The following PIP4K2B variants were observed in gnomAD, a reference collection of about 807,000 sequenced individuals.
The protein encoded by PIP4K2B is phosphatidylinositol-5-phosphate 4-kinase type 2 beta, also known as phosphatidylinositol 5-phosphate 4-kinase type-2 beta.
Under a neutral mutation model 42.0 loss-of-function variants are expected in PIP4K2B, and 3 were observed. The ratio of observed to expected loss-of-function variants is 0.07; its 90% confidence interval spans 0.03 to 0.18. The LOEUF (loss-of-function observed/expected upper bound fraction) is 0.18, where lower values mean the gene tolerates loss of function less well. Ranked by LOEUF, PIP4K2B falls within the 10% of genes least tolerant of loss-of-function variation. The pLI, the probability that PIP4K2B is intolerant of heterozygous loss-of-function variation, is 1.00. For synonymous variants in PIP4K2B, 204 were observed against 210.1 expected, an observed-to-expected ratio of 0.97 and a Z score of 0.25; for missense variants, 332 against 562.3, an observed-to-expected ratio of 0.59 and a Z score of 4.14.
At chr17:38,779,909 G>C (rs931189398) in intron 4 of PIP4K2B, 9 of 221,560 alleles carry the variant, frequency 4.1e-5, no homozygotes, top group Non-Finnish European at 1.8e-5. Flanking sequence ...ACAGGATGCA[G>C]AGGCAGGCCA....
At chr17:38,772,395 G>A (rs1204397876) in intron 7 of PIP4K2B, among the ~76,000 whole-genome samples, 2 of 152,202 alleles carry the variant, frequency 1.3e-5, no homozygotes, top group Non-Finnish European at 1.5e-5. Flanking sequence ...CCTTTGTGCA[G>A]TATATCCACA....
Position 38,769,359 on chromosome 17 carries a change from C to A in PIP4K2B, c.*332G>T. On this transcript the variant is annotated 3_prime_UTR_variant, in exon 10 of 10. Coordinates refer to ENST00000619039, the MANE Select transcript of PIP4K2B (RefSeq NM_003559.5). ...TTCAGAAACAAAACCCAAATAAACC[C>A]ACGAAGTCATCTCTAGCCCCAAGGT... 1 of 284,416 alleles carries A rather than the reference C, an allele frequency of 3.5e-6. No homozygotes were observed. The highest frequency in any genetic ancestry group is 9.4e-5 in the South Asian group (1 of 10,676). The allele number at this position is 284,416 out of a possible 1,614,324, so 17.6% of individuals were successfully genotyped here. A position where few individuals can be genotyped will look rare whatever the true frequency, so the allele number is the denominator to read the frequency against.
intron 1 of PIP4K2B, among the ~76,000 whole-genome samples, chr17:38,790,283 C>T (rs1910274282): frequency 6.6e-6 from 1 of 152,100 alleles, no homozygotes; most frequent in Admixed American, 6.6e-5. Flanking sequence ...GAAACCATTC[C>T]ACTTCTTTGT....
chr17:38,776,041 G>A, intron 7 of PIP4K2B: 2 of 450,138 alleles, frequency 4.4e-6, no homozygotes, highest in Admixed American at 2.4e-5. Context: ...CAAGCTGGAG[G>A]GTCACCGCAA....
intron 5 of PIP4K2B, among the ~76,000 whole-genome samples, chr17:38,778,719 AAGCACAT>A (rs1245082912): frequency 6.6e-6 from 1 of 152,142 alleles, no homozygotes; most frequent in Non-Finnish European, 1.5e-5. Context: ...GACACTCTGA[AAGCACAT>A]ACCACACGGG....
chr17:38,790,389 A>C (rs74909634), intron 1 of PIP4K2B, among the ~76,000 whole-genome samples: 1 of 152,214 alleles, frequency 6.6e-6, no homozygotes, highest in Non-Finnish European at 1.5e-5. Flanking sequence ...AAACAGAGAC[A>C]AAGAGTTCAG....
chr17:38,793,135 G>C (rs1005548892), intron 1 of PIP4K2B, among the ~76,000 whole-genome samples: 6 of 152,034 alleles, frequency 3.9e-5, no homozygotes, highest in Non-Finnish European at 8.8e-5. Flanking sequence ...CGCCATGTTG[G>C]CCAGGCTGGT....
chr17:38,797,133 TAAAG>T (rs1227394685), intron 1 of PIP4K2B, among the ~76,000 whole-genome samples: 5 of 152,202 alleles, frequency 3.3e-5, no homozygotes, highest in Non-Finnish European at 5.9e-5. Context: ...GGATCTTGCT[TAAAG>T]TCAATGCCTT....
chr17:38,787,734 C>G (rs968268256), intron 1 of PIP4K2B, among the ~76,000 whole-genome samples: 6 of 152,204 alleles, frequency 3.9e-5, no homozygotes, highest in Admixed American at 2.0e-4. Context: ...GCTGGGATTA[C>G]AGGCATGCAC....
At chr17:38,781,220 T>C (rs1909693388) in intron 3 of PIP4K2B, among the ~76,000 whole-genome samples, 1 of 152,084 alleles carries the variant, frequency 6.6e-6, no homozygotes, top group Non-Finnish European at 1.5e-5. Context: ...CTCAACCTCC[T>C]GCTTGTCTAT....
intron 1 of PIP4K2B, among the ~76,000 whole-genome samples, chr17:38,797,525 C>T (rs1204565518): frequency 6.6e-6 from 1 of 152,176 alleles, no homozygotes; most frequent in Non-Finnish European, 1.5e-5. Context: ...AGACAATAAG[C>T]GACATCTCTT....
At chr17:38,796,323 T>A (rs1409191985) in intron 1 of PIP4K2B, among the ~76,000 whole-genome samples, 2 of 152,190 alleles carry the variant, frequency 1.3e-5, no homozygotes, top group Non-Finnish European at 2.9e-5. Flanking sequence ...GTTTCTCAAA[T>A]GGTTAAATAC....
chr17:38,783,955 G>C (rs1354763350), intron 3 of PIP4K2B, among the ~76,000 whole-genome samples: 3 of 152,136 alleles, frequency 2.0e-5, no homozygotes, highest in Non-Finnish European at 2.9e-5. Flanking sequence ...CCTAGACTGG[G>C]AATGTCAGAC....
chr17:38,799,135 G>T lies in PIP4K2B; in HGVS notation c.159+131C>A. ...GGGCCGAAAGGCGTGCAAGGGTGGGGTGGGCGTGCAAGTGGCTTGGCGAGG... is the reference window on the plus strand; with the variant it reads ...GGGCCGAAAGGCGTGCAAGGGTGGGTTGGGCGTGCAAGTGGCTTGGCGAGG... On this transcript the variant is annotated intron_variant, in intron 1 of 9. Transcript: ENST00000619039. This position sits in a 1 kb window ranked among gnomAD's most constrained non-coding sequence, Gnocchi z 4.4. 1.1e-6 allele frequency: 1 copy of T among 931,028 alleles called. No individual in the cohort carries two copies. The highest frequency in any genetic ancestry group is 1.5e-6 in the Non-Finnish European group (1 of 660,806). The allele number at this position is 931,028 out of a possible 1,614,324, so 57.7% of individuals were successfully genotyped here.
At chr17:38,779,233 C>T (rs1383830036) in intron 5 of PIP4K2B, 150 bp downstream of exon 5, 1 of 739,330 alleles carries the variant, frequency 1.4e-6, no homozygotes, top group African/African-American at 1.8e-5. Context: ...TGCCTTTGGT[C>T]CACAAGAATC....
At chr17:38,787,926 C>T (rs548414578) in intron 1 of PIP4K2B, among the ~76,000 whole-genome samples, 2 of 152,250 alleles carry the variant, frequency 1.3e-5, no homozygotes, top group African/African-American at 4.8e-5. Context: ...AAAGAGCATC[C>T]TACTAATCTT....
intron 5 of PIP4K2B, among the ~76,000 whole-genome samples, chr17:38,778,874 C>T (rs1005190290): frequency 1.3e-5 from 2 of 152,132 alleles, no homozygotes; most frequent in African/African-American, 4.8e-5. Flanking sequence ...CTATTCCAGA[C>T]AGCAGATGTG....
intron 2 of PIP4K2B, among the ~76,000 whole-genome samples, chr17:38,786,093 G>A (rs554328617): frequency 6.6e-6 from 1 of 152,310 alleles, no homozygotes; most frequent in Admixed American, 6.5e-5. Context: ...GAATGGTGGG[G>A]TGACAGAACC....
In PIP4K2B at chr17:38,780,444, C is replaced by T; in HGVS notation, c.507+8G>A. On this transcript the variant is annotated splice_region_variant and intron_variant, in intron 4 of 9. Transcript: ENST00000619039. ...TCCTCTGCAGCCCAGGCTTGGGACT[C>T]ACCATACCTGGTGGTATTTCTTTAA... is the stretch of plus-strand genomic sequence containing the variant. 1 of 1,607,442 alleles carries T rather than the reference C, an allele frequency of 6.2e-7. No homozygotes were observed. Among genetic ancestry groups the T allele is most frequent in the African/African-American group, 1.3e-5 (1 of 74,944 alleles).
Sources: allele counts gnomAD v4.1 joint callset (sites outside exome capture counted in the v4.1 genomes callset), GRCh38; gene constraint gnomAD v4.1.1; non-coding constraint Gnocchi (gnomAD v3.1); transcripts MANE v1.5; gene names NCBI Gene and HGNC (gene_info 2026-07-23, HGNC 2026-07-21).